PERM1: variants seen among roughly 807,000 people sequenced by gnomAD.
The protein encoded by PERM1 is PPARGC1 and ESRR induced regulator, muscle 1.
A neutral mutation model predicts 44.1 loss-of-function variants in PERM1; 45 were observed. The ratio of observed to expected loss-of-function variants is 1.02; its 90% CI spans 0.80 to 1.31. The LOEUF is 1.31. Ranked by LOEUF, PERM1 falls within the 50% of genes most tolerant of loss-of-function variation. The pLI, the probability that PERM1 is intolerant of heterozygous loss-of-function variation, is 0.00. For synonymous variants in PERM1, 565 were observed against 477.1 expected, an observed-to-expected ratio of 1.18 and a Z score of -2.40; for missense variants, 1,189 against 1,106.9, an observed-to-expected ratio of 1.07 and a Z score of -1.05.
chr1:980,185 G>A lies in PERM1; in HGVS notation c.845C>T (p.Thr282Met), dbSNP rs188954903. The A allele has an allele frequency of 9.4e-5, 146 of 1,550,436 alleles. 1 individual carries two copies. In the East Asian group the frequency reaches 3.0e-3, roughly 32 times the overall value. Reference sequence around the variant, plus strand: ...ATCTGGGAGGGCTTCCCAGACAGTCGTGGACACTGTGTGCAGCTTGGCTCG... The same window carrying A: ...ATCTGGGAGGGCTTCCCAGACAGTCATGGACACTGTGTGCAGCTTGGCTCG... The change falls in exon 1 of 3, where the codon ACG becomes ATG. Residue 282 changes from threonine to methionine, a missense_variant. Transcript: ENST00000433179.
chr1:980,520 G>A (rs1228055097), exon 1 of PERM1: 26 of 1,475,736 alleles, frequency 1.8e-5, no homozygotes, highest in South Asian at 5.7e-5. Flanking sequence ...CAGGGCTATC[G>A]GGGGGCCTCT....
chr1:976,180 T>C (rs1459964437), exon 3 of PERM1: 5 of 1,545,078 alleles, frequency 3.2e-6, no homozygotes, highest in Non-Finnish European at 4.4e-6. Context: ...TCCTAGGAGC[T>C]GGGGCTGGGG....
At chr1:981,081 T>C (rs1643783261), upstream of PERM1, 6 of 1,547,050 alleles carry the variant, frequency 3.9e-6, no homozygotes, top group African/African-American at 1.4e-5. Context: ...GGTGGGGTCT[T>C]CATGGGTTCA....
exon 1 of PERM1, chr1:980,521 G>C: frequency 6.8e-7 from 1 of 1,474,330 alleles, no homozygotes; most frequent in Non-Finnish European, 9.0e-7. Flanking sequence ...AGGGCTATCG[G>C]GGGGCCTCTG....
upstream of PERM1, chr1:981,949 G>T: frequency 1.2e-6 from 1 of 859,780 alleles, no homozygotes; most frequent in Non-Finnish European, 1.6e-6. Flanking sequence ...GCCAGGGCAT[G>T]GTGGCTTCCC....
chr1:981,317 G>A (rs1643788240), upstream of PERM1: 25 of 798,670 alleles, frequency 3.1e-5, no homozygotes, highest in East Asian at 6.9e-4. Context: ...ATGATGCGGT[G>A]TTACATTCCT....
chr1:976,299 G>A (rs890862629), intron 2 of PERM1, 30 bp from the exon 4 acceptor site: 9 of 1,474,792 alleles, frequency 6.1e-6, no homozygotes, highest in Non-Finnish European at 8.1e-6. Flanking sequence ...TCTTCTGAGG[G>A]CCAGCCTGGC....
At chr1:979,761 T>C (rs753603535) in exon 1 of PERM1, 78 of 1,550,208 alleles carry the variant, frequency 5.0e-5, no homozygotes, top group Non-Finnish European at 6.5e-5. Flanking sequence ...AAGCCACCTC[T>C]AGCTTAGCCA....
At chr1:976,301 C>T (rs1183652599) in intron 2 of PERM1, 32 bp from the exon 4 acceptor site, 1 of 1,474,438 alleles carries the variant, frequency 6.8e-7, no homozygotes, top group Non-Finnish European at 9.0e-7. Flanking sequence ...TTCTGAGGGC[C>T]AGCCTGGCTG....
upstream of PERM1, among the ~76,000 whole-genome samples, chr1:981,863 C>T (rs556012754): frequency 3.9e-5 from 6 of 152,330 alleles, no homozygotes; most frequent in African/African-American, 7.2e-5. Context: ...TAGAGGGGGC[C>T]GCCCTCGGCC....
In PERM1 at chr1:980,967, G is replaced by A. The variant is rs182851001; in HGVS notation, c.63C>T (p.Thr21=). The A allele has an allele frequency of 7.1e-5, 105 of 1,472,108 alleles. No individual in the cohort carries two copies. In the East Asian group the frequency reaches 2.2e-3, roughly 31 times the overall value. The allele number at this position is 1,472,108 out of a possible 1,614,324, so 91.2% of individuals were successfully genotyped here. ...CCTGCAGGAGGCCACACTCATCGGC[G>A]GTGGCTGAGAACTCGGCCCAGTCCT... is the stretch of plus-strand genomic sequence containing the variant. The change falls in exon 1 of 3, where the codon ACC becomes ACT. Residue 21 remains threonine (T), a synonymous_variant. Transcript: ENST00000433179.
chr1:981,483 C>T (rs1643791905), upstream of PERM1, among the ~76,000 whole-genome samples: 1 of 152,232 alleles, frequency 6.6e-6, no homozygotes, highest in Non-Finnish European at 1.5e-5. Flanking sequence ...AGGGTCCACC[C>T]GATGGGACCA....
chr1:981,966 T>C (rs555114511), upstream of PERM1: 22 of 1,044,620 alleles, frequency 2.1e-5, no homozygotes, highest in East Asian at 1.2e-3. Flanking sequence ...TCCCACCCAC[T>C]GACCTTCGCC....
Position 975,782 on chromosome 1 carries a change from C to A in PERM1, c.*390G>T, listed in dbSNP as rs1570060337. The A allele has an allele frequency of 1.6e-5, 3 of 187,674 alleles. No homozygotes were observed. The Admixed American group carries it at 1.7e-4, about 11-fold the overall frequency. The allele number at this position is 187,674 out of a possible 1,614,324, so 11.6% of individuals were successfully genotyped here. ...AGTCCTGTCCTGCCACTCAGCTCCC[C>A]CTGCACCCCAGAAGAAACGCAGGGT... On this transcript the variant is annotated 3_prime_UTR_variant, in exon 3 of 3. Coordinates refer to ENST00000433179, the Ensembl canonical transcript of PERM1.
exon 1 of PERM1, chr1:979,498 G>C: frequency 6.5e-7 from 1 of 1,549,850 alleles, no homozygotes; most frequent in Non-Finnish European, 8.7e-7. Flanking sequence ...ATTGGGGCTG[G>C]GCCCAGCCAC....
chr1:976,810 G>A (rs542422084), intron 1 of PERM1, 186 bp from the exon 3 acceptor site: 12 of 20 alleles, frequency 0.6, 3 homozygotes, highest in Non-Finnish European at 1. Context: ...CACTCCCCCC[G>A]CCAACCCCGG....
chr1:976,068 A>C, exon 3 of PERM1: 1 of 1,140,462 alleles, frequency 8.8e-7, no homozygotes, highest in Non-Finnish European at 1.2e-6. Context: ...TGGACGCGGT[A>C]GAAGAGAGGG....
chr1:981,750 G>A (rs541431278), upstream of PERM1, among the ~76,000 whole-genome samples: 4 of 152,372 alleles, frequency 2.6e-5, no homozygotes, highest in South Asian at 2.1e-4. Context: ...GGCCGTCCTC[G>A]AGGTCTGCAC....
intron 1 of PERM1, among the ~76,000 whole-genome samples, chr1:978,403 C>G (rs1049622388): frequency 6.6e-6 from 1 of 152,236 alleles, no homozygotes; most frequent in Admixed American, 6.5e-5. Context: ...ACCGCCCGCC[C>G]TGGACGCGTC....
Sources: gnomAD v4.1 joint callset for allele counts (sites outside exome capture counted in the v4.1 genomes callset) on GRCh38, gnomAD v4.1.1 for gene constraint, MANE v1.5 for transcripts, NCBI Gene and HGNC (gene_info 2026-07-23, HGNC 2026-07-21) for gene names.